The following PLCB2 variants were observed in gnomAD, a reference collection of about 807,000 sequenced individuals.
The protein encoded by PLCB2 is 1-phosphatidylinositol 4,5-bisphosphate phosphodiesterase beta-2.
Under a neutral mutation model 141.7 loss-of-function variants are expected in PLCB2, and 115 were observed. The observed-to-expected ratio is 0.81, with a 90% confidence interval of 0.70 to 0.95. PLCB2 has a LOEUF of 0.95. Among genes scored for constraint, PLCB2 ranks in the 40% least tolerant of loss-of-function variants. PLCB2 has a pLI of 0.00. For synonymous variants in PLCB2, 603 were observed against 595.6 expected, an observed-to-expected ratio of 1.01 and a Z score of -0.18; for missense variants, 1,403 against 1,541.1, an observed-to-expected ratio of 0.91 and a Z score of 1.50.
In PLCB2 at chr15:40,296,616, C is replaced by T; in HGVS notation, c.1505G>A (p.Gly502Glu). The change falls in exon 15 of 32, where the codon GGG becomes GAG. Residue 502 changes from glycine (G) to glutamate (E), a missense_variant. Gly to Glu is a moderately conservative substitution (Grantham distance 98). Transcript: ENST00000260402. ...GEGTVWAGEE[G>E]TELEEEEVEE... The stretch of plus-strand genomic sequence containing the variant: ...CACCTCCTCCTCCTCCAGCTCAGTC[C>T]CTTCCTCGCCAGCCCACACTGCCAC... The T allele has an allele frequency of 6.2e-7, 1 of 1,613,272 alleles. No homozygotes were observed. The highest frequency in any genetic ancestry group is 8.5e-7 in the Non-Finnish European group (1 of 1,179,656).
rs769660222 is a variant in PLCB2 at position 40,296,889 on chromosome 15, A to G, written c.1343T>C (p.Leu448Pro). ...GCCCCTGAGATCCTCAGGGCTGGGC[A>G]GGGGGACACCTGGTTTTAGCTATGG... ...EKFPLKPGVP[L>P]PSPEDLRGKI... The change falls in exon 14 of 32, where the codon CTG becomes CCG. Residue 448 changes from leucine to proline, a missense_variant. Leu to Pro is a moderately conservative substitution (Grantham distance 98). This residue lies in a region of PLCB2 where 975 missense variants were observed against 1,141.1 expected (regional missense o/e 0.85). Coordinates refer to ENST00000260402, the MANE Select transcript of PLCB2 (RefSeq NM_004573.3). 1.2e-6 allele frequency: 2 copies of G among 1,614,010 alleles called. No individual in the cohort carries two copies. Among genetic ancestry groups the G allele is most frequent in the South Asian group, 2.2e-5 (2 of 91,082 alleles).
chr15:40,291,098 T>C lies in PLCB2; in HGVS notation c.2956A>G (p.Arg986Gly), dbSNP rs1483161800. 1.9e-6 allele frequency: 3 copies of C among 1,588,214 alleles called. No individual in the cohort carries two copies. Among genetic ancestry groups the C allele is most frequent in the South Asian group, 1.1e-5 (1 of 89,082 alleles). Residue 986 changes from arginine (R) to glycine (G), a missense_variant, in exon 27 of 32, where the codon AGG becomes GGG. Arg to Gly is a moderately radical substitution (Grantham distance 125). Coordinates refer to ENST00000260402, the MANE Select transcript of PLCB2 (RefSeq NM_004573.3). ...TGCCGCAGCAGCTCCAGCTCCAGCC[T>C]GTCTTTCAGCTCCCGCACGCGCCCG... ...VDGRVRELKD[R>G]LELELLRQGE...
chr15:40,294,868 T>G lies in PLCB2; in HGVS notation c.1906+68A>C, dbSNP rs144766590. The G allele has an allele frequency of 2.7e-4, 426 of 1,602,464 alleles. 6 individuals are homozygous for G. In the East Asian group the frequency reaches 9.4e-3, roughly 35 times the overall value. On this transcript the variant is annotated intron_variant, in intron 18 of 31. Coordinates refer to ENST00000260402, the MANE Select transcript of PLCB2 (RefSeq NM_004573.3). ...CTCCCCAGCCTGTTCCAAAGACCCCTCAAGGATGTAAAGGTGGGGGGCGCA... is the reference window on the plus strand; with the variant it reads ...CTCCCCAGCCTGTTCCAAAGACCCCGCAAGGATGTAAAGGTGGGGGGCGCA...
intron 31 of PLCB2, 141 bp from the exon 32 acceptor site, chr15:40,289,059 G>T: frequency 1.5e-6 from 2 of 1,293,958 alleles, no homozygotes; most frequent in Non-Finnish European, 2.1e-6. Context: ...GGGTGGGGGA[G>T]TGGTAGAGCC....
At position 40,291,888 on chromosome 15, in the gene PLCB2, C is replaced by G. The variant is rs377070188; in HGVS notation, c.2563G>C (p.Val855Leu). 1.2e-6 allele frequency: 2 copies of G among 1,614,088 alleles called. No individual in the cohort carries two copies. Among genetic ancestry groups the G allele is most frequent in the African/African-American group, 2.7e-5 (2 of 74,944 alleles). ...FPLASPVASQVNGALAPTSNG... is the reference protein window; with the variant it reads ...FPLASPVASQLNGALAPTSNG... The stretch of plus-strand genomic sequence containing the variant: ...CTCGTTGGGGCCAACGCCCCATTGA[C>G]CTGGCTGGCAACTGGACTCGCCAGT... Residue 855 changes from valine to leucine, a missense_variant, in exon 24 of 32, where the codon GTC becomes CTC. Val to Leu is a conservative substitution (Grantham distance 32). Around this residue, in one of 4 missense-constraint regions of PLCB2, gnomAD observed 975 missense variants for 1,141.1 expected, o/e 0.85. Coordinates refer to ENST00000260402, the MANE Select transcript of PLCB2 (RefSeq NM_004573.3).
chr15:40,297,900 C>A lies in PLCB2; in HGVS notation c.1215G>T (p.Leu405=). 6.2e-7 allele frequency: 1 copy of A among 1,613,658 alleles called. No individual in the cohort carries two copies. Among genetic ancestry groups the A allele is most frequent in the Non-Finnish European group, 8.5e-7 (1 of 1,179,642 alleles). ...ACGAGTCCACATGGTTCTCAAACGA[C>A]AGGATGATGGGATAGGGGGAGGTCT... ...AFKTSPYPII[L]SFENHVDSPR... Residue 405 remains leucine (L), a synonymous_variant, in exon 12 of 32, where the codon CTG becomes CTT. Coordinates refer to ENST00000260402, the MANE Select transcript of PLCB2 (RefSeq NM_004573.3). The surrounding 1 kb of genome is among the most constrained non-coding windows in gnomAD (Gnocchi z 4.2).
intron 6 of PLCB2, 41 bp downstream of exon 6, chr15:40,302,095 G>C (rs779324916): frequency 1.2e-6 from 2 of 1,612,804 alleles, no homozygotes; most frequent in East Asian, 4.5e-5. Flanking sequence ...GAAAGGCTTT[G>C]GGGAGCCCCT....
intron 1 of PLCB2, among the ~76,000 whole-genome samples, chr15:40,306,921 G>A (rs957812608): frequency 4.6e-5 from 7 of 152,236 alleles, no homozygotes; most frequent in East Asian, 3.8e-4. Flanking sequence ...GAGCAGCCCC[G>A]TGTAGGAAGG....
At chr15:40,291,701 T>A in intron 24 of PLCB2, 51 bp from the exon 25 acceptor site, 2 of 1,607,240 alleles carry the variant, frequency 1.2e-6, no homozygotes, top group Middle Eastern at 3.3e-4. Context: ...GCCCCTTGGC[T>A]CCGTTCGCCT....
intron 16 of PLCB2, 89 bp downstream of exon 16, chr15:40,296,207 C>T (rs527615753): frequency 2.4e-5 from 24 of 1,010,890 alleles, no homozygotes; most frequent in African/African-American, 3.2e-5. Context: ...GACTCCGTGG[C>T]TGGATATTTA....
In PLCB2 at chr15:40,297,611, G is replaced by C; in HGVS notation, c.1239-6C>G. On this transcript the variant is annotated splice_polypyrimidine_tract_variant and splice_region_variant and intron_variant, in intron 12 of 31. Transcript: ENST00000260402. This position sits in a 1 kb window ranked among gnomAD's most constrained non-coding sequence, Gnocchi z 4.2. ...TCTTAGCCTGCTGGCGGGGTCTGCGGGGAGCAAAAGCGGGGATGGGGTTCA... is the reference window on the plus strand; with the variant it reads ...TCTTAGCCTGCTGGCGGGGTCTGCGCGGAGCAAAAGCGGGGATGGGGTTCA... The C allele has an allele frequency of 1.2e-6, 2 of 1,612,764 alleles. No homozygotes were observed. The highest frequency in any genetic ancestry group is 1.7e-6 in the Non-Finnish European group (2 of 1,178,892).
intron 20 of PLCB2, 124 bp downstream of exon 20, chr15:40,293,436 C>G (rs2040037270): frequency 2.1e-6 from 2 of 954,740 alleles, no homozygotes; most frequent in South Asian, 3.2e-5. Context: ...ACAGGAGGGC[C>G]CAGGGTGAGG....
downstream of PLCB2, among the ~76,000 whole-genome samples, chr15:40,284,866 G>T (rs562941416): frequency 1.5e-4 from 16 of 109,536 alleles, no homozygotes; most frequent in South Asian, 5.5e-3. Flanking sequence ...AAAAAAAAAG[G>T]AAGTAATTCC....
intron 3 of PLCB2, among the ~76,000 whole-genome samples, chr15:40,302,984 G>A (rs938406818): frequency 8.5e-5 from 13 of 152,174 alleles, no homozygotes; most frequent in African/African-American, 2.4e-4. Context: ...AAACTAGTCC[G>A]GGGGTGGGGG....
chr15:40,295,821 A>G (rs572716919), intron 16 of PLCB2, among the ~76,000 whole-genome samples: 7 of 152,314 alleles, frequency 4.6e-5, no homozygotes, highest in African/African-American at 1.7e-4. Flanking sequence ...GTGCTCGTGC[A>G]TGGGACATGC....
chr15:40,303,400 T>C (rs1189411371), intron 2 of PLCB2, 44 bp from the exon 3 acceptor site: 2 of 1,435,810 alleles, frequency 1.4e-6, no homozygotes, highest in East Asian at 2.3e-5. Context: ...AGAAGGGATG[T>C]GGGACAAAAA....
chr15:40,291,200 G>A lies in PLCB2; in HGVS notation c.2871-17C>T, dbSNP rs1172164202. The A allele has an allele frequency of 1.3e-6, 2 of 1,571,478 alleles. No homozygotes were observed. Among genetic ancestry groups the A allele is most frequent in the Non-Finnish European group, 8.6e-7 (1 of 1,167,012 alleles). ...GGCAGGCTCCTGGGGAGGCCACGTG[G>A]GGACAGGCCCTGAGATCCTGCGCCA... On this transcript the variant is annotated splice_polypyrimidine_tract_variant and intron_variant, in intron 26 of 31. Transcript: ENST00000260402.
chr15:40,284,611 G>A (rs1404753229), downstream of PLCB2: 4 of 453,238 alleles, frequency 8.8e-6, no homozygotes, highest in Non-Finnish European at 1.8e-5. Flanking sequence ...GGAGGCCGAG[G>A]CGGGCGGATC....
chr15:40,284,955 C>A (rs1344682227), downstream of PLCB2, among the ~76,000 whole-genome samples: 1 of 151,900 alleles, frequency 6.6e-6, no homozygotes, highest in Non-Finnish European at 1.5e-5. Context: ...TAAGGGGTCC[C>A]TTCCTATCAG....
Sources: gnomAD v4.1 joint callset for allele counts (sites outside exome capture counted in the v4.1 genomes callset) on GRCh38, gnomAD v4.1.1 for gene constraint, gnomAD v4.1.1 regional missense constraint, Gnocchi (gnomAD v3.1) non-coding constraint, MANE v1.5 for transcripts, NCBI Gene and HGNC (gene_info 2026-07-23, HGNC 2026-07-21) for gene names.